ABCG2: variants seen among roughly 807,000 people sequenced by gnomAD.
ABCG2 encodes ATP binding cassette subfamily G member 2 (JR blood group), also known as broad substrate specificity ATP-binding cassette transporter ABCG2.
Under a neutral mutation model 73.5 loss-of-function variants are expected in ABCG2, and 80 were observed. That is an observed-to-expected ratio of 1.09 (90% CI 0.91 to 1.31). The LOEUF (loss-of-function observed/expected upper bound fraction) is 1.31. Among genes scored for constraint, ABCG2 ranks in the 50% most tolerant of loss-of-function variants. The pLI, the probability that ABCG2 is intolerant of heterozygous loss-of-function variation, is 0.00. For missense variants in ABCG2, 796 were observed against 786.2 expected (o/e 1.01, Z -0.15); for synonymous variants, 269 against 282.4 (o/e 0.95, Z 0.48).
At chr4:88,110,553 A>G (rs1185877500) in intron 9 of ABCG2, among the ~76,000 whole-genome samples, 2 of 152,098 alleles carry the variant, frequency 1.3e-5, no homozygotes, top group African/African-American at 4.8e-5. Context: ...AGAAAAAAAA[A>G]GGGGGTCTTG....
intron 9 of ABCG2, among the ~76,000 whole-genome samples, chr4:88,109,199 T>C (rs974979411): frequency 7.9e-5 from 12 of 151,822 alleles, no homozygotes; most frequent in East Asian, 1.9e-4. Context: ...AGGGTTTCAC[T>C]ATGTTGGCCA....
At chr4:88,124,908 T>G (rs540901112) in intron 5 of ABCG2, among the ~76,000 whole-genome samples, 1 of 152,172 alleles carries the variant, frequency 6.6e-6, no homozygotes, top group Non-Finnish European at 1.5e-5. Flanking sequence ...TAATTGGAAG[T>G]AAAACACTCC....
At position 88,097,568 on chromosome 4, in the gene ABCG2, A is replaced by C; in HGVS notation, c.1532T>G (p.Phe511Cys). 6.2e-7 allele frequency: 1 copy of C among 1,614,204 alleles called. No individual in the cohort carries two copies. The highest frequency in any genetic ancestry group is 8.5e-7 in the Non-Finnish European group (1 of 1,180,012). The change falls in exon 13 of 16, where the codon TTT becomes TGT. Residue 511 changes from phenylalanine to cysteine, a missense_variant. Coordinates refer to ENST00000237612, the MANE Select transcript of ABCG2 (RefSeq NM_004827.3). ...TGAATAAGCCACCATCATAAGGGTAAACATCATAACGAAGAAGGCATCTGC... is the reference window on the plus strand; with the variant it reads ...TGAATAAGCCACCATCATAAGGGTACACATCATAACGAAGAAGGCATCTGC... ...PKADAFFVMM[F>C]TLMMVAYSAS...
At chr4:88,229,484 A>G (rs1730366093) in intron 1 of ABCG2, among the ~76,000 whole-genome samples, 1 of 152,206 alleles carries the variant, frequency 6.6e-6, no homozygotes, top group Non-Finnish European at 1.5e-5. Flanking sequence ...ATAAAAAAAT[A>G]GAACAAAATT....
intron 1 of ABCG2, among the ~76,000 whole-genome samples, chr4:88,194,675 T>A (rs867509948): frequency 6.6e-6 from 1 of 152,026 alleles, no homozygotes. Flanking sequence ...AATGTCTATT[T>A]TTTTCTTCCA....
chr4:88,137,045 T>C (rs1725302744), intron 2 of ABCG2, among the ~76,000 whole-genome samples: 1 of 150,128 alleles, frequency 6.7e-6, no homozygotes, highest in South Asian at 2.1e-4. Context: ...TAAAATAAAA[T>C]AAAATAAAAT....
intron 1 of ABCG2, among the ~76,000 whole-genome samples, chr4:88,166,791 T>A (rs896074330): frequency 6.6e-6 from 1 of 152,120 alleles, no homozygotes; most frequent in Non-Finnish European, 1.5e-5. Flanking sequence ...TGATTCATCA[T>A]CATAGGAAAG....
intron 5 of ABCG2, among the ~76,000 whole-genome samples, chr4:88,125,013 C>A (rs1043189041): frequency 6.6e-6 from 1 of 152,216 alleles, no homozygotes; most frequent in Non-Finnish European, 1.5e-5. Context: ...TCACTCAAGG[C>A]CAGGCGTGGT....
At chr4:88,158,269 A>T (rs1371717955) in intron 1 of ABCG2, 117 bp downstream of exon 1, 2 of 323,396 alleles carry the variant, frequency 6.2e-6, no homozygotes, top group African/African-American at 4.5e-5. Flanking sequence ...GCGAAAGGCT[A>T]AAAAACTCAG....
At chr4:88,152,828 G>A (rs2110074773) in intron 1 of ABCG2, among the ~76,000 whole-genome samples, 2 of 152,156 alleles carry the variant, frequency 1.3e-5, no homozygotes, top group South Asian at 4.2e-4. Flanking sequence ...GAGAATGGGT[G>A]ATGTTTCTCA....
chr4:88,132,498 C>T (rs910633595), intron 3 of ABCG2, 78 bp downstream of exon 3: 13 of 1,456,862 alleles, frequency 8.9e-6, no homozygotes, highest in Non-Finnish European at 1.1e-5. Flanking sequence ...AATACCTGCT[C>T]GCACACAAAA....
At position 88,177,246 on chromosome 4, in the gene ABCG2, C is replaced by T. The variant is rs567576452; in HGVS notation, c.-19-37232G>A. On this transcript the variant is annotated intron_variant, in intron 1 of 15. Coordinates refer to the ABCG2 transcript ENST00000515655. ...AAAAATTAGCCAGCATGGTGGCAGG[C>T]GCCTGTGGTCCCAGCTACTCGGGAG... 4.6e-5 allele frequency among the ~76,000 whole-genome samples: 7 copies of T among 151,990 alleles called. No individual in the cohort carries two copies. The East Asian group carries it at 7.8e-4, about 17-fold the overall frequency.
chr4:88,109,640 A>G (rs569963921), intron 9 of ABCG2, among the ~76,000 whole-genome samples: 1 of 152,336 alleles, frequency 6.6e-6, no homozygotes, highest in African/African-American at 2.4e-5. Flanking sequence ...ATCTTCTCAT[A>G]CAGATAATCC....
At chr4:88,150,936 G>A (rs910372366) in intron 1 of ABCG2, among the ~76,000 whole-genome samples, 3 of 152,080 alleles carry the variant, frequency 2.0e-5, no homozygotes, top group East Asian at 1.9e-4. Flanking sequence ...CTGCAAAATC[G>A]CCTGCCCCAA....
chr4:88,168,416 G>A (rs562190735), intron 1 of ABCG2, among the ~76,000 whole-genome samples: 5 of 152,132 alleles, frequency 3.3e-5, no homozygotes, highest in Non-Finnish European at 7.4e-5. Flanking sequence ...GAACCCAGGA[G>A]GCAGAGGTTG....
intron 1 of ABCG2, among the ~76,000 whole-genome samples, chr4:88,227,208 C>T (rs1730256112): frequency 6.6e-6 from 1 of 152,116 alleles, no homozygotes. Flanking sequence ...GCCTGCCTGA[C>T]CAACATGGTG....
intron 1 of ABCG2, among the ~76,000 whole-genome samples, chr4:88,150,288 A>G (rs1726364593): frequency 6.6e-6 from 1 of 152,152 alleles, no homozygotes; most frequent in Admixed American, 6.5e-5. Flanking sequence ...ATGCACTCCA[A>G]CCTGGGCAAC....
chr4:88,179,161 G>A (rs953385710), intron 1 of ABCG2, among the ~76,000 whole-genome samples: 1 of 152,180 alleles, frequency 6.6e-6, no homozygotes, highest in Non-Finnish European at 1.5e-5. Flanking sequence ...GGGTGCTTGT[G>A]TTACCCCTCT....
chr4:88,192,327 T>C (rs1728723342), intron 1 of ABCG2, among the ~76,000 whole-genome samples: 1 of 152,234 alleles, frequency 6.6e-6, no homozygotes, highest in South Asian at 2.1e-4. Context: ...TATGTTTATT[T>C]AAATTCACTG....
Sources: gnomAD v4.1 joint callset for allele counts (sites outside exome capture counted in the v4.1 genomes callset) on GRCh38, gnomAD v4.1.1 for gene constraint, MANE v1.5 for transcripts, NCBI Gene and HGNC (gene_info 2026-07-23, HGNC 2026-07-21) for gene names.